HACD1: variants seen among roughly 807,000 people sequenced by gnomAD.
HACD1 encodes the protein very-long-chain (3R)-3-hydroxyacyl-CoA dehydratase 1.
A neutral mutation model predicts 32.0 loss-of-function variants in HACD1; 41 were observed. The ratio of observed to expected loss-of-function variants is 1.28; its 90% CI spans 1.00 to 1.66. The LOEUF (loss-of-function observed/expected upper bound fraction) is 1.66, where lower values mean the gene tolerates loss of function less well. HACD1 is among the 40% of genes most tolerant of loss of function. The pLI is 0.00. For missense variants in HACD1, 396 were observed against 380.1 expected (o/e 1.04, Z -0.35); for synonymous variants, 142 against 139.0 (o/e 1.02, Z -0.15).
Position 17,590,264 on chromosome 10 carries a change from A to C in HACD1, c.*100T>G, listed in dbSNP as rs556349039. On this transcript the variant is annotated 3_prime_UTR_variant, in exon 7 of 7. Coordinates refer to ENST00000361271, the MANE Select transcript of HACD1 (RefSeq NM_014241.4). The stretch of plus-strand genomic sequence containing the variant: ...CAAGTTATATTTTAAGAAACCATAC[A>C]ATCCATGATATTTCACAAAGTTGTT... The C allele has an allele frequency of 1.2e-6, 1 of 806,138 alleles. No individual in the cohort carries two copies. Among genetic ancestry groups the C allele is most frequent in the Non-Finnish European group, 2.0e-6 (1 of 512,316 alleles). 49.9% of individuals were successfully genotyped at this position (806,138 alleles called of 1,614,324 possible).
Position 17,617,360 on chromosome 10 carries a change from G to T in HACD1, c.-21C>A. ...CCCATGTGCAGCGCGCAGGGGGCTCGGCGCAGCCAGCTCTACCGACCGCGA... is the reference window on the plus strand; with the variant it reads ...CCCATGTGCAGCGCGCAGGGGGCTCTGCGCAGCCAGCTCTACCGACCGCGA... On this transcript the variant is annotated 5_prime_UTR_variant, in exon 1 of 7. Transcript: ENST00000361271. 2 of 1,341,668 alleles carry T rather than the reference G, an allele frequency of 1.5e-6. No individual in the cohort carries two copies. Among genetic ancestry groups the T allele is most frequent in the Middle Eastern group, 2.8e-4 (1 of 3,590 alleles). 83.1% of individuals were successfully genotyped at this position (1,341,668 alleles called of 1,614,324 possible). A position where few individuals can be genotyped will look rare whatever the true frequency, so the allele number is the denominator to read the frequency against.
chr10:17,616,043 C>T lies in HACD1; in HGVS notation c.257+1040G>A, dbSNP rs527802480. The T allele has an allele frequency of 1.7e-3, 327 of 189,218 alleles. 1 individual carries two copies. Among genetic ancestry groups the T allele is most frequent in the South Asian group, 6.2e-3 (105 of 16,914 alleles). The allele number at this position is 189,218 out of a possible 1,614,324, so 11.7% of individuals were successfully genotyped here. On this transcript the variant is annotated intron_variant, in intron 1 of 6. Coordinates refer to ENST00000361271, the MANE Select transcript of HACD1 (RefSeq NM_014241.4). ...CAGCACTTTGGGAGGCCGAGGCGGG[C>T]GGATCATGAGGTCAGGAGATGGAGA...
chr10:17,595,866 G>A (rs782465840), intron 5 of HACD1, among the ~76,000 whole-genome samples: 1 of 151,930 alleles, frequency 6.6e-6, no homozygotes, highest in African/African-American at 2.4e-5. Flanking sequence ...CATGCCTGTC[G>A]CCCCAGCTAC....
chr10:17,594,316 AG>A lies in HACD1; in HGVS notation c.672del (p.Leu225CysfsTer4). Reference sequence around the variant, plus strand: ...ATTCCTGTTTTCTTCACATGCGGCAAGGCAGCGTATATTGTAAGAAGTTCAC... The same window carrying A: ...ATTCCTGTTTTCTTCACATGCGGCAAGCAGCGTATATTGTAAGAAGTTCAC... ...VAGELLTIYAALPHVKKTGMF... is the reference protein window; with the variant it reads ...VAGELLTIYAXLPHVKKTGMF... On this transcript the variant is annotated frameshift_variant, in exon 6 of 7. Coordinates refer to ENST00000361271, the MANE Select transcript of HACD1 (RefSeq NM_014241.4). LOFTEE classifies it high-confidence loss of function. 3.1e-6 allele frequency: 5 copies of A among 1,603,986 alleles called. No homozygotes were observed. Among genetic ancestry groups the A allele is most frequent in the Non-Finnish European group, 4.3e-6 (5 of 1,174,656 alleles).
intron 1 of HACD1, among the ~76,000 whole-genome samples, chr10:17,612,846 C>T (rs1473841508): frequency 6.6e-6 from 1 of 150,558 alleles, no homozygotes; most frequent in Non-Finnish European, 1.5e-5. Context: ...GGCGAGAATC[C>T]GGGAGGCGGA....
chr10:17,603,260 T>G, intron 4 of HACD1: 1 of 238,016 alleles, frequency 4.2e-6, no homozygotes, highest in Non-Finnish European at 8.1e-6. Flanking sequence ...AAAAGAAACT[T>G]CTATAGAAAA....
At position 17,601,995 on chromosome 10, in the gene HACD1, C is replaced by T. The variant is rs1008601977; in HGVS notation, c.483+1565G>A. The stretch of plus-strand genomic sequence containing the variant: ...GGAAAGGAGGCCAGAGATCTGTCCT[C>T]GAGTAGACAGGAGGCTCTAAAGGCT... On this transcript the variant is annotated intron_variant, in intron 4 of 6. Transcript: ENST00000361271. Among the ~76,000 whole-genome samples the T allele has an allele frequency of 5.3e-5, 8 of 151,578 alleles. No homozygotes were observed. The South Asian group carries it at 1.0e-3, about 20-fold the overall frequency.
intron 5 of HACD1, among the ~76,000 whole-genome samples, chr10:17,596,619 T>C (rs1833998504): frequency 6.6e-6 from 1 of 152,090 alleles, no homozygotes; most frequent in Admixed American, 6.6e-5. Context: ...TGACTTTACT[T>C]GCACTTCAAA....
intron 1 of HACD1, among the ~76,000 whole-genome samples, chr10:17,615,032 G>A (rs1030226832): frequency 6.6e-6 from 1 of 152,198 alleles, no homozygotes; most frequent in South Asian, 2.1e-4. Flanking sequence ...GATTACAGGC[G>A]TGAGCCACCG....
chr10:17,615,718 G>T, intron 1 of HACD1: 1 of 352,700 alleles, frequency 2.8e-6, no homozygotes, highest in Non-Finnish European at 5.8e-6. Context: ...TGTAATCCCA[G>T]CACATTGGGA....
At chr10:17,608,200 T>G (rs1036678009) in intron 1 of HACD1, among the ~76,000 whole-genome samples, 22 of 151,312 alleles carry the variant, frequency 1.5e-4, no homozygotes, top group South Asian at 2.1e-4. Flanking sequence ...TGTTGTGGGG[T>G]TTTTTTTAGT....
intron 4 of HACD1, 45 bp from the exon 5 acceptor site, chr10:17,599,456 A>G (rs1335475940): frequency 6.3e-7 from 1 of 1,577,908 alleles, no homozygotes; most frequent in Non-Finnish European, 8.6e-7. Flanking sequence ...CCTAGAACTT[A>G]CTTTTCAGTG....
chr10:17,590,188 A>G lies in HACD1; in HGVS notation c.*176T>C, dbSNP rs1833910867. The G allele has an allele frequency of 2.4e-6, 1 of 420,506 alleles. No homozygotes were observed. The highest frequency in any genetic ancestry group is 4.2e-6 in the Non-Finnish European group (1 of 236,942). The allele number at this position is 420,506 out of a possible 1,614,324, so 26.0% of individuals were successfully genotyped here. A position where few individuals can be genotyped will look rare whatever the true frequency, so the allele number is the denominator to read the frequency against. On this transcript the variant is annotated 3_prime_UTR_variant, in exon 7 of 7. Coordinates refer to ENST00000361271, the MANE Select transcript of HACD1 (RefSeq NM_014241.4). Reference sequence around the variant, plus strand: ...CTGATATTTGCACAGTTCTTGTAAAAAATAGATCTGGCACAAGAGGAACAC... The same window carrying G: ...CTGATATTTGCACAGTTCTTGTAAAGAATAGATCTGGCACAAGAGGAACAC...
chr10:17,606,247 T>C (rs1238307622), intron 1 of HACD1, among the ~76,000 whole-genome samples: 1 of 152,236 alleles, frequency 6.6e-6, no homozygotes, highest in Non-Finnish European at 1.5e-5. Context: ...TACGTTTGCA[T>C]ATAAATATAG....
In HACD1 at chr10:17,594,284, T is replaced by C. The variant is rs868985569; in HGVS notation, c.705A>G (p.Ser235=). 9.4e-6 allele frequency: 15 copies of C among 1,603,206 alleles called. No individual in the cohort carries two copies. In the Middle Eastern group the frequency reaches 2.2e-3, roughly 231 times the overall value. ...LPHVKKTGMF[S]IRLPNKYNVS... The stretch of plus-strand genomic sequence containing the variant: ...CATTGTATTTGTTAGGAAGTCTTAT[T>C]GAAAACATTCCTGTTTTCTTCACAT... Residue 235 remains serine (S), a synonymous_variant, in exon 6 of 7, where the codon TCA becomes TCG. Coordinates refer to ENST00000361271, the MANE Select transcript of HACD1 (RefSeq NM_014241.4).
intron 1 of HACD1, among the ~76,000 whole-genome samples, chr10:17,608,502 C>T (rs1834180617): frequency 6.7e-6 from 1 of 149,692 alleles, no homozygotes; most frequent in Non-Finnish European, 1.5e-5. Context: ...CACACTTTGT[C>T]TCCTTTTTTT....
rs55951542 is a variant in HACD1, at chr10:17,594,311, C to A, written c.678G>T (p.Pro226=). 8 of 1,603,020 alleles carry A rather than the reference C, an allele frequency of 5.0e-6. No individual in the cohort carries two copies. In the South Asian group the frequency reaches 6.7e-5, roughly 13 times the overall value. ...AAAACATTCCTGTTTTCTTCACATG[C>A]GGCAAGGCAGCGTATATTGTAAGAA... is the stretch of plus-strand genomic sequence containing the variant. ...GELLTIYAAL[P]HVKKTGMFSI... is the part of the protein sequence containing the mutation. Residue 226 remains proline (P), a synonymous_variant, in exon 6 of 7, where the codon CCG becomes CCT. Transcript: ENST00000361271.
intron 6 of HACD1, 24 bp downstream of exon 6, chr10:17,594,181 A>C (rs772298246): frequency 3.7e-6 from 5 of 1,352,644 alleles, no homozygotes; most frequent in Non-Finnish European, 4.8e-6. Context: ...TGTCAAATCA[A>C]AGTACTAATA....
At chr10:17,603,837 T>C (rs1260095596) in intron 2 of HACD1, 93 bp from the exon 3 acceptor site, 2 of 1,471,858 alleles carry the variant, frequency 1.4e-6, no homozygotes, top group African/African-American at 2.8e-5. Context: ...CCATAGGTGG[T>C]ATGTAATCAG....
Sources: allele counts gnomAD v4.1 joint callset (sites outside exome capture counted in the v4.1 genomes callset), GRCh38; gene constraint gnomAD v4.1.1; transcripts MANE v1.5; gene names NCBI Gene and HGNC (gene_info 2026-07-23, HGNC 2026-07-21).